The following NAP1L4 variants were observed in gnomAD, a reference collection of about 807,000 sequenced individuals.
NAP1L4 encodes the protein nucleosome assembly protein 1-like 4.
A neutral mutation model predicts 58.2 loss-of-function variants in NAP1L4; 15 were observed. That is an observed-to-expected ratio of 0.26 (90% CI 0.17 to 0.40). The LOEUF (loss-of-function observed/expected upper bound fraction) is 0.40. Ranked by LOEUF, NAP1L4 falls within the 10% of genes least tolerant of loss-of-function variation. The pLI is 1.00. For missense variants in NAP1L4, 384 were observed against 451.1 expected, an observed-to-expected ratio of 0.85 and a Z score of 1.35; for synonymous variants, 171 against 155.6, an observed-to-expected ratio of 1.10 and a Z score of -0.74.
intron 8 of NAP1L4, chr11:2,963,690 G>A (rs1173128832): frequency 5.9e-6 from 3 of 508,054 alleles, no homozygotes; most frequent in Non-Finnish European, 1.2e-5. Flanking sequence ...TGGGGAGGAA[G>A]GAAGATACTG....
At position 2,978,293 on chromosome 11, in the gene NAP1L4, T is replaced by G. The variant is rs1848086088; in HGVS notation, c.64A>C (p.Ser22Arg). Residue 22 changes from serine (S) to arginine (R), a missense_variant, in exon 3 of 16, where the codon AGT (serine) becomes CGT (arginine). This residue lies in a region of NAP1L4 where 84 missense variants were observed against 73.7 expected (regional missense o/e 1.14). Coordinates refer to ENST00000380542, the MANE Select transcript of NAP1L4 (RefSeq NM_005969.4). ...TGTGCAGTGGACTGACCTGTGTTAC[T>G]TGCATTTTTAGCAGCTTCCACGGAA... ...SDSVEAAKNA[S>R]NTEKLTDQVM... The G allele has an allele frequency of 6.2e-7, 1 of 1,614,066 alleles. No individual in the cohort carries two copies. The highest frequency in any genetic ancestry group is 1.1e-5 in the South Asian group (1 of 91,076).
At chr11:2,979,499 G>A (rs1848174737) in intron 1 of NAP1L4, among the ~76,000 whole-genome samples, 2 of 152,082 alleles carry the variant, frequency 1.3e-5, no homozygotes, top group African/African-American at 2.4e-5. Context: ...TCGGCCTGGC[G>A]CGGTGGTTCA....
rs2071114 is a variant in NAP1L4, at chr11:2,959,601, T to C, written c.746+169A>G. Among the ~76,000 whole-genome samples the C allele has an allele frequency of 0.29, 43,958 of 152,202 alleles. 7,210 individuals carry two copies. The highest frequency in any genetic ancestry group is 0.45 in the African/African-American group (18,610 of 41,510). On this transcript the variant is annotated intron_variant, in intron 9 of 15. Coordinates refer to ENST00000380542, the MANE Select transcript of NAP1L4 (RefSeq NM_005969.4). This position sits in a 1 kb window ranked among gnomAD's most constrained non-coding sequence, Gnocchi z 4.9. ...GCCGCCATCTCCAAGTTCTGCACTA[T>C]GAGCATTCCCAAACTGAAAGACTAT...
chr11:2,962,260 G>A (rs1326782838), intron 8 of NAP1L4, among the ~76,000 whole-genome samples: 1 of 152,248 alleles, frequency 6.6e-6, no homozygotes, highest in East Asian at 1.9e-4. Context: ...AATGGGGGAG[G>A]TGGGGCATGT....
Position 2,971,975 on chromosome 11 carries a change from TAAG to T in NAP1L4, c.315+124_315+126del. 2 of 974,856 alleles carry T rather than the reference TAAG, an allele frequency of 2.1e-6. No individual in the cohort carries two copies. The highest frequency in any genetic ancestry group is 2.9e-6 in the Non-Finnish European group (2 of 692,028). The allele number at this position is 974,856 out of a possible 1,614,324, so 60.4% of individuals were successfully genotyped here. ...TGAGCTTGTTTAAGGTAGTCTAGACTAAGCTATGTTTGGCAGGTTAGATGCGTT... is the reference window on the plus strand; with the variant it reads ...TGAGCTTGTTTAAGGTAGTCTAGACTCTATGTTTGGCAGGTTAGATGCGTT... On this transcript the variant is annotated intron_variant, in intron 5 of 15. Coordinates refer to ENST00000380542, the MANE Select transcript of NAP1L4 (RefSeq NM_005969.4). This position sits in a 1 kb window ranked among gnomAD's most constrained non-coding sequence, Gnocchi z 4.2.
chr11:2,947,095 A>T (rs568395224), intron 15 of NAP1L4, among the ~76,000 whole-genome samples: 1 of 152,344 alleles, frequency 6.6e-6, no homozygotes, highest in South Asian at 2.1e-4. Flanking sequence ...TGTCATACAC[A>T]GGACTTTATA....
At chr11:2,964,892 C>T (rs1386470324) in intron 7 of NAP1L4, 141 bp from the exon 8 acceptor site, 1 of 653,848 alleles carries the variant, frequency 1.5e-6, no homozygotes, top group Non-Finnish European at 2.7e-6. Flanking sequence ...TAATAACTAC[C>T]AGGAAGAAAC....
At chr11:2,957,087 AC>A (rs1438903564) in intron 10 of NAP1L4, among the ~76,000 whole-genome samples, 3 of 152,070 alleles carry the variant, frequency 2.0e-5, no homozygotes, top group Admixed American at 6.5e-5. Context: ...AAAAAAAAAA[AC>A]ACTTAAAAAT....
At position 2,959,284 on chromosome 11, in the gene NAP1L4, T is replaced by C. The variant is rs976860227; in HGVS notation, c.746+486A>G. On this transcript the variant is annotated intron_variant, in intron 9 of 15. Transcript: ENST00000380542. The surrounding 1 kb of genome is among the most constrained non-coding windows in gnomAD (Gnocchi z 4.9). ...CTCAGTCAACCCAACCTGGAGAAAT[T>C]AATTCTAAACCAAATTCTCTCTTTA... is the stretch of plus-strand genomic sequence containing the variant. Among the ~76,000 whole-genome samples, 11 of 152,226 alleles carry C rather than the reference T, an allele frequency of 7.2e-5. No individual in the cohort carries two copies. The highest frequency in any genetic ancestry group is 2.2e-4 in the African/African-American group (9 of 41,468).
chr11:2,968,988 G>GT (rs61176259), intron 7 of NAP1L4, among the ~76,000 whole-genome samples: 4,282 of 113,214 alleles, frequency 0.038, 100 homozygotes, highest in East Asian at 0.061. Context: ...TTGTTGTGTT[G>GT]TTTTTTTTTT....
At position 2,945,666 on chromosome 11, in the gene NAP1L4, G is replaced by C; in HGVS notation, c.*33-20C>G. On this transcript the variant is annotated intron_variant, in intron 15 of 15. Coordinates refer to ENST00000380542, the MANE Select transcript of NAP1L4 (RefSeq NM_005969.4). ...TTCCTTCTGTCAATGAAAAAGACAA[G>C]GCTTGTAGAGAGCAAAGCCAGCTCC... The C allele has an allele frequency of 6.5e-7, 1 of 1,534,618 alleles. No individual in the cohort carries two copies. The highest frequency in any genetic ancestry group is 8.7e-7 in the Non-Finnish European group (1 of 1,145,812).
chr11:2,984,166 C>CA (rs35188952), intron 1 of NAP1L4, among the ~76,000 whole-genome samples: 1,657 of 80,290 alleles, frequency 0.021, 36 homozygotes, highest in East Asian at 0.064. Flanking sequence ...GACCCTGCCT[C>CA]AAAAAAAAAA....
rs1292490024 is a variant in NAP1L4 at position 2,954,585 on chromosome 11, C to T, written c.977G>A (p.Arg326Gln). 8.1e-6 allele frequency: 13 copies of T among 1,614,194 alleles called. No homozygotes were observed. Among genetic ancestry groups the T allele is most frequent in the South Asian group, 2.2e-5 (2 of 91,086 alleles). Residue 326 changes from arginine (R) to glutamine (Q), a missense_variant, in exon 12 of 16, where the codon CGG becomes CAG. By Grantham distance (43) the Arg-to-Gln change is conservative. Coordinates refer to ENST00000380542, the MANE Select transcript of NAP1L4 (RefSeq NM_005969.4). This position sits in a 1 kb window ranked among gnomAD's most constrained non-coding sequence, Gnocchi z 4.8. ...GTACAGCACAGCCCGCGGGACTATCCGCTCACGGAAAAAGTGTCCAATTTC... is the reference window on the plus strand; with the variant it reads ...GTACAGCACAGCCCGCGGGACTATCTGCTCACGGAAAAAGTGTCCAATTTC... Reference protein sequence around the residue: ...DFEIGHFFRERIVPRAVLYFT... With the variant: ...DFEIGHFFREQIVPRAVLYFT...
chr11:2,957,301 C>T (rs570502487), intron 10 of NAP1L4, among the ~76,000 whole-genome samples: 28 of 152,180 alleles, frequency 1.8e-4, no homozygotes, highest in Non-Finnish European at 3.4e-4. Flanking sequence ...AAATTTATGA[C>T]TGCTCTCATT....
chr11:2,961,153 A>T (rs1007247153), intron 8 of NAP1L4, among the ~76,000 whole-genome samples: 10 of 152,230 alleles, frequency 6.6e-5, no homozygotes, highest in African/African-American at 1.9e-4. Flanking sequence ...GACTAAAAAA[A>T]ATATACAGCA....
At chr11:2,972,675 A>G (rs1160022525) in intron 4 of NAP1L4, among the ~76,000 whole-genome samples, 1 of 152,250 alleles carries the variant, frequency 6.6e-6, no homozygotes, top group Non-Finnish European at 1.5e-5. Context: ...TCTATTTCTA[A>G]GAATTTATCC....
chr11:2,983,854 T>A (rs1351234855), intron 1 of NAP1L4: 1 of 150,124 alleles, frequency 6.7e-6, no homozygotes, highest in East Asian at 2.0e-4. Flanking sequence ...CCAGGCATGG[T>A]GGTGTGAACC....
intron 1 of NAP1L4, chr11:2,990,244 C>T (rs1317105543): frequency 6.6e-6 from 1 of 151,998 alleles, no homozygotes; most frequent in African/African-American, 2.4e-5. Flanking sequence ...CTATTTAAGA[C>T]GGCAGTAACG....
Position 2,945,372 on chromosome 11 carries a change from A to G in NAP1L4, c.*307T>C. ...GGGAAGTCCAGAGCTACAGGCACCA[A>G]GGCTGCAGAGGGTGCTGGACGAAAC... is the stretch of plus-strand genomic sequence containing the variant. On this transcript the variant is annotated 3_prime_UTR_variant, in exon 16 of 16. Transcript: ENST00000380542. The G allele has an allele frequency of 2.0e-6, 1 of 510,418 alleles. No homozygotes were observed. The highest frequency in any genetic ancestry group is 3.5e-6 in the Non-Finnish European group (1 of 285,290). The allele number at this position is 510,418 out of a possible 1,614,324, so 31.6% of individuals were successfully genotyped here.
Sources: gnomAD v4.1 joint callset for allele counts (sites outside exome capture counted in the v4.1 genomes callset) on GRCh38, gnomAD v4.1.1 for gene constraint, gnomAD v4.1.1 regional missense constraint, Gnocchi (gnomAD v3.1) non-coding constraint, MANE v1.5 for transcripts, NCBI Gene and HGNC (gene_info 2026-07-23, HGNC 2026-07-21) for gene names.